Variants in PFKFB3 observed in about 807,000 individuals in gnomAD.
The protein encoded by PFKFB3 is 6-phosphofructo-2-kinase/fructose-2,6-biphosphatase 3.
In PFKFB3, 33 loss-of-function variants were observed where a neutral mutation model predicts 68.0. The observed-to-expected ratio is 0.49, with a 90% CI of 0.37 to 0.65. PFKFB3 has a LOEUF of 0.65. PFKFB3 is among the 30% of genes least tolerant of loss of function. PFKFB3 has a pLI of 0.00. For missense variants in PFKFB3, 586 were observed against 712.2 expected, an observed-to-expected ratio of 0.82 and a Z score of 2.02; for synonymous variants, 315 against 288.2, an observed-to-expected ratio of 1.09 and a Z score of -0.94.
At chr10:6,325,078 C>T in the PFKFB3 span, among the ~76,000 whole-genome samples, 1 of 152,168 alleles carries the variant, frequency 6.6e-6, no homozygotes, top group East Asian at 1.9e-4. Flanking sequence ...ATTCTCCCAC[C>T]TCAGCCTCCC....
At chr10:6,195,752 G>A (rs543345176) in intron 1 of PFKFB3, among the ~76,000 whole-genome samples, 42 of 152,220 alleles carry the variant, frequency 2.8e-4, no homozygotes, top group Admixed American at 1.4e-3. Context: ...TGTGTGTGGC[G>A]AGGCAGAGAA....
intron 1 of PFKFB3, 28 bp from the exon 2 acceptor site, chr10:6,213,595 G>A: frequency 2.5e-6 from 4 of 1,604,046 alleles, no homozygotes; most frequent in Non-Finnish European, 3.4e-6. Flanking sequence ...CTTGGTTGAT[G>A]ACACACCCTT....
At chr10:6,291,187 A>T in the PFKFB3 span, among the ~76,000 whole-genome samples, 3 of 152,194 alleles carry the variant, frequency 2.0e-5, no homozygotes, top group African/African-American at 7.2e-5. Flanking sequence ...TGAAGTGGCT[A>T]GGTTACATAA....
chr10:6,252,319 G>A (rs1462019949), intron 14 of PFKFB3, among the ~76,000 whole-genome samples: 6 of 152,146 alleles, frequency 3.9e-5, no homozygotes, highest in South Asian at 2.1e-4. Context: ...TTTCCTTTGC[G>A]ATTTTTTTCT....
intron 1 of PFKFB3, among the ~76,000 whole-genome samples, chr10:6,180,237 G>A (rs1842671934): frequency 6.6e-6 from 1 of 152,116 alleles, no homozygotes. Flanking sequence ...AGGAATGAAT[G>A]AATGATTGCT....
downstream of PFKFB3, among the ~76,000 whole-genome samples, chr10:6,240,124 A>G (rs1042109768): frequency 1.3e-5 from 2 of 152,242 alleles, no homozygotes; most frequent in Admixed American, 1.3e-4. Context: ...CAATAGGCCA[A>G]GCTCCTATTT....
the PFKFB3 span, among the ~76,000 whole-genome samples, chr10:6,269,220 T>A: frequency 1.4e-5 from 2 of 147,642 alleles, no homozygotes; most frequent in Non-Finnish European, 3.0e-5. Flanking sequence ...GCAGATTATT[T>A]TTACGTTTTT....
chr10:6,277,418 A>T, the PFKFB3 span, among the ~76,000 whole-genome samples: 3 of 151,936 alleles, frequency 2.0e-5, no homozygotes, highest in Non-Finnish European at 2.9e-5. Context: ...ACAGGGTTTC[A>T]CCATGTTGGC....
intron 4 of PFKFB3, among the ~76,000 whole-genome samples, chr10:6,216,474 T>G (rs954282148): frequency 2.6e-5 from 4 of 151,906 alleles, no homozygotes; most frequent in African/African-American, 9.7e-5. Context: ...GTTTTGCTTG[T>G]TTGCTTTTGG....
At chr10:6,260,590 A>C in the PFKFB3 span, among the ~76,000 whole-genome samples, 1 of 152,120 alleles carries the variant, frequency 6.6e-6, no homozygotes, top group South Asian at 2.1e-4. Flanking sequence ...TGTATCCCCA[A>C]GTGCTATAGT....
intron 5 of PFKFB3, 146 bp from the exon 6 acceptor site, chr10:6,216,989 G>C: frequency 1.1e-6 from 1 of 895,700 alleles, no homozygotes; most frequent in Non-Finnish European, 1.8e-6. Context: ...GCGTTCCAGA[G>C]GCTGCAGTGA....
chr10:6,289,486 C>G, the PFKFB3 span, among the ~76,000 whole-genome samples: 2 of 152,044 alleles, frequency 1.3e-5, no homozygotes, highest in Non-Finnish European at 2.9e-5. Context: ...GCTTGTTTTT[C>G]TCAGGTTTGT....
chr10:6,180,173 C>A (rs1305318198), intron 1 of PFKFB3, among the ~76,000 whole-genome samples: 1 of 150,974 alleles, frequency 6.6e-6, no homozygotes, highest in African/African-American at 2.4e-5. Flanking sequence ...GAGACCCTGT[C>A]TCTAAAAGAA....
chr10:6,261,957 A>G, the PFKFB3 span, among the ~76,000 whole-genome samples: 2,678 of 151,948 alleles, frequency 0.018, 83 homozygotes, highest in African/African-American at 0.06. Context: ...AGATCATGCC[A>G]CTGCACTCCA....
intron 2 of PFKFB3, 147 bp downstream of exon 2, chr10:6,213,895 C>A: frequency 1.3e-6 from 1 of 789,290 alleles, no homozygotes. Context: ...AGCTGGGTCC[C>A]CTTCACACTG....
chr10:6,166,826 T>C (rs947578991), intron 1 of PFKFB3, among the ~76,000 whole-genome samples: 9 of 87,816 alleles, frequency 1.0e-4, no homozygotes, highest in Non-Finnish European at 1.7e-4. Flanking sequence ...TTCTTCTTTT[T>C]TTTTTTTTTT....
intron 1 of PFKFB3, chr10:6,145,131 GC>G (rs1200991990): frequency 2.6e-5 from 21 of 818,062 alleles, no homozygotes; most frequent in Admixed American, 4.4e-5. Context: ...CACCCGGGCT[GC>G]GGCGGTGCCG....
the PFKFB3 span, among the ~76,000 whole-genome samples, chr10:6,311,420 C>G: frequency 1.3e-5 from 2 of 152,092 alleles, no homozygotes; most frequent in Admixed American, 6.5e-5. Flanking sequence ...AGGTTCCCTA[C>G]GGAAGACCTA....
In PFKFB3 at chr10:6,231,882, C is replaced by T. The variant is rs187503400; in HGVS notation, c.1516-1013C>T. On this transcript the variant is annotated intron_variant, in intron 14 of 14. Transcript: ENST00000379775. ...CTCCTGGCGGGCACCCATCACCTCT[C>T]GGCGGGCACCCATCACCTCCCGGTG... Among the ~76,000 whole-genome samples the T allele has an allele frequency of 4.6e-3, 695 of 151,404 alleles. 2 individuals are homozygous for T. The highest frequency in any genetic ancestry group is 0.016 in the African/African-American group (671 of 41,166).
Sources: gnomAD v4.1 joint callset for allele counts (sites outside exome capture counted in the v4.1 genomes callset) on GRCh38, gnomAD v4.1.1 for gene constraint, MANE v1.5 for transcripts, NCBI Gene and HGNC (gene_info 2026-07-23, HGNC 2026-07-21) for gene names.